The following ZNF804A variants were observed in gnomAD, a reference collection of about 807,000 sequenced individuals.
ZNF804A encodes the protein zinc finger protein 804A.
ZNF804A carries 2 observed loss-of-function variants against 16.5 expected under a neutral mutation model. The observed-to-expected ratio is 0.12, with a 90% CI of 0.05 to 0.38. The LOEUF (loss-of-function observed/expected upper bound fraction) is 0.38, where lower values mean the gene tolerates loss of function less well. Ranked by LOEUF, ZNF804A falls within the 10% of genes least tolerant of loss-of-function variation. The pLI, the probability that ZNF804A is intolerant of heterozygous loss-of-function variation, is 0.99. For missense variants in ZNF804A, 1,473 were observed against 1,390.7 expected, an observed-to-expected ratio of 1.06 and a Z score of -0.94; for synonymous variants, 534 against 489.6, an observed-to-expected ratio of 1.09 and a Z score of -1.20.
intron 1 of ZNF804A, among the ~76,000 whole-genome samples, chr2:184,824,411 T>C (rs899846188): frequency 6.6e-6 from 1 of 152,084 alleles, no homozygotes; most frequent in Non-Finnish European, 1.5e-5. Flanking sequence ...AGCTATAACT[T>C]GATAACGTTT....
intron 1 of ZNF804A, among the ~76,000 whole-genome samples, chr2:184,635,160 G>T (rs1691676334): frequency 6.6e-6 from 1 of 152,028 alleles, no homozygotes; most frequent in African/African-American, 2.4e-5. Flanking sequence ...TTATTTAATT[G>T]TATGTACCTG....
intron 1 of ZNF804A, among the ~76,000 whole-genome samples, chr2:184,802,347 T>G (rs1574219503): frequency 6.6e-6 from 1 of 152,192 alleles, no homozygotes; most frequent in Non-Finnish European, 1.5e-5. Flanking sequence ...GTTATGTAGA[T>G]TACCCTTCAG....
At chr2:184,917,225 A>C (rs990971044) in intron 2 of ZNF804A, among the ~76,000 whole-genome samples, 2 of 152,068 alleles carry the variant, frequency 1.3e-5, no homozygotes, top group African/African-American at 4.8e-5. Context: ...TTAATCTCCA[A>C]ATAAATGTAA....
In ZNF804A at chr2:184,868,988, G is replaced by A. The variant is rs138692086; in HGVS notation, c.255+2476G>A. ...TTGAGTATATCTAATCTGGAAAGCT[G>A]AAATCCAAAATGCTCTAAAGTTTGA... On this transcript the variant is annotated intron_variant, in intron 2 of 3. Coordinates refer to ENST00000302277, the MANE Select transcript of ZNF804A (RefSeq NM_194250.2). Among the ~76,000 whole-genome samples, 327 of 152,124 alleles carry A rather than the reference G, an allele frequency of 2.1e-3. 1 individual carries two copies. The highest frequency in any genetic ancestry group is 6.8e-3 in the Middle Eastern group (2 of 294).
rs553695754 is a variant in ZNF804A at position 184,801,089 on chromosome 2, C to T, written c.112-65280C>T. Among the ~76,000 whole-genome samples the T allele has an allele frequency of 9.2e-5, 14 of 152,178 alleles. No homozygotes were observed. In the South Asian group the frequency reaches 1.4e-3, roughly 16 times the overall value. On this transcript the variant is annotated intron_variant, in intron 1 of 3. Coordinates refer to ENST00000302277, the MANE Select transcript of ZNF804A (RefSeq NM_194250.2). ...TCTTTTGAAGGGTAAGTTTGCCTGA[C>T]GTAGAACTCTAGGATTCTGTTTGTT...
chr2:184,723,565 C>G (rs142479082), intron 1 of ZNF804A, among the ~76,000 whole-genome samples: 1 of 151,652 alleles, frequency 6.6e-6, no homozygotes, highest in African/African-American at 2.4e-5. Context: ...TATAGGAACA[C>G]CATTCAACCA....
chr2:184,725,100 T>C (rs1478646483), intron 1 of ZNF804A, among the ~76,000 whole-genome samples: 1 of 151,682 alleles, frequency 6.6e-6, no homozygotes, highest in Non-Finnish European at 1.5e-5. Context: ...CTACTAGGAC[T>C]AGTTCTGCAT....
chr2:184,729,197 T>G (rs1478060136), intron 1 of ZNF804A, among the ~76,000 whole-genome samples: 1 of 151,870 alleles, frequency 6.6e-6, no homozygotes, highest in African/African-American at 2.4e-5. Flanking sequence ...ACACAAAATA[T>G]AAGTATGTGA....
At chr2:184,609,967 C>T (rs1691210143) in intron 1 of ZNF804A, among the ~76,000 whole-genome samples, 1 of 152,204 alleles carries the variant, frequency 6.6e-6, no homozygotes, top group Admixed American at 6.5e-5. Flanking sequence ...GTCCCCACTG[C>T]AGCAGTGTTG....
Position 184,743,167 on chromosome 2 carries a change from G to A in ZNF804A, c.112-123202G>A, listed in dbSNP as rs144832264. On this transcript the variant is annotated intron_variant, in intron 1 of 3. Coordinates refer to ENST00000302277, the MANE Select transcript of ZNF804A (RefSeq NM_194250.2). ...TCTGTCTCTTTCCCCTTTGGAGATC[G>A]CCAGACTGAAATCCTTTCCAATCTT... 3.9e-4 allele frequency among the ~76,000 whole-genome samples: 59 copies of A among 151,934 alleles called. 1 individual carries two copies. The East Asian group carries it at 5.8e-3, about 15-fold the overall frequency.
At chr2:184,682,105 G>T (rs114344609) in intron 1 of ZNF804A, among the ~76,000 whole-genome samples, 43 of 152,310 alleles carry the variant, frequency 2.8e-4, no homozygotes, top group African/African-American at 9.4e-4. Context: ...CTTCGCATGG[G>T]CCTGCAGTCA....
At chr2:184,804,289 A>T (rs746530376) in intron 1 of ZNF804A, among the ~76,000 whole-genome samples, 6 of 152,204 alleles carry the variant, frequency 3.9e-5, no homozygotes, top group Non-Finnish European at 7.3e-5. Context: ...AAACAAGGTG[A>T]CATTCAGAGG....
rs192579700 is a variant in ZNF804A at position 184,792,945 on chromosome 2, G to T, written c.112-73424G>T. Among the ~76,000 whole-genome samples, 12 of 152,096 alleles carry T rather than the reference G, an allele frequency of 7.9e-5. No individual in the cohort carries two copies. In the East Asian group the frequency reaches 2.3e-3, roughly 29 times the overall value. On this transcript the variant is annotated intron_variant, in intron 1 of 3. Transcript: ENST00000302277. The stretch of plus-strand genomic sequence containing the variant: ...CCCTCCTTCCCACCACCCCCTAGCA[G>T]TCCACAGTGTCTATTGTTCCCCAAT...
intron 1 of ZNF804A, among the ~76,000 whole-genome samples, chr2:184,714,230 C>T (rs1171968607): frequency 6.6e-6 from 1 of 151,894 alleles, no homozygotes; most frequent in African/African-American, 2.4e-5. Context: ...CAGGTGCCTC[C>T]CTCTTACTTT....
In ZNF804A at chr2:184,938,713, ACGCTGCAGCTGCTGCAGCTGCAG is replaced by A. The variant is rs1397881706; in HGVS notation, c.3319_3341del (p.Ala1107CysfsTer9). 1 of 1,612,536 alleles carries A rather than the reference ACGCTGCAGCTGCTGCAGCTGCAG, an allele frequency of 6.2e-7. No homozygotes were observed. Among genetic ancestry groups the A allele is most frequent in the East Asian group, 2.2e-5 (1 of 44,780 alleles). ...ATCCATCACACTGTTTTGCAGCAGC[ACGCTGCAGCTGCTGCAGCTGCAG>A]CTGCAGCCGCAGCTGCAGGAACCTT... On this transcript the variant is annotated frameshift_variant, in exon 4 of 4. Coordinates refer to ENST00000302277, the MANE Select transcript of ZNF804A (RefSeq NM_194250.2). LOFTEE classifies it low-confidence loss of function (END_TRUNC).
At chr2:184,729,545 T>C (rs1405320163) in intron 1 of ZNF804A, among the ~76,000 whole-genome samples, 5 of 152,056 alleles carry the variant, frequency 3.3e-5, no homozygotes, top group African/African-American at 1.2e-4. Flanking sequence ...ATGTTATCTC[T>C]TGTAAGCCAA....
intron 1 of ZNF804A, among the ~76,000 whole-genome samples, chr2:184,599,311 G>T (rs980371514): frequency 6.6e-6 from 1 of 152,122 alleles, no homozygotes; most frequent in Non-Finnish European, 1.5e-5. Context: ...TTAAGCTGAA[G>T]ATTACCACAG....
chr2:184,793,903 A>G (rs1574215434), intron 1 of ZNF804A, among the ~76,000 whole-genome samples: 1 of 152,122 alleles, frequency 6.6e-6, no homozygotes, highest in Admixed American at 6.6e-5. Context: ...CCATTAATTC[A>G]TTCCTTTCTA....
chr2:184,760,114 A>C (rs1475667075), intron 1 of ZNF804A, among the ~76,000 whole-genome samples: 1 of 151,998 alleles, frequency 6.6e-6, no homozygotes, highest in Non-Finnish European at 1.5e-5. Flanking sequence ...GGAACAGGCC[A>C]TTTTCACTTC....
Sources: allele counts gnomAD v4.1 joint callset (sites outside exome capture counted in the v4.1 genomes callset), GRCh38; gene constraint gnomAD v4.1.1; transcripts MANE v1.5; gene names NCBI Gene and HGNC (gene_info 2026-07-23, HGNC 2026-07-21).